SLC38A9: variants seen among roughly 807,000 people sequenced by gnomAD.
SLC38A9 encodes the protein solute carrier family 38 member 9.
Under a neutral mutation model 62.3 loss-of-function variants are expected in SLC38A9, and 48 were observed. The ratio of observed to expected loss-of-function variants is 0.77; its 90% CI spans 0.61 to 0.98. SLC38A9 has a LOEUF of 0.98. Ranked by LOEUF, SLC38A9 falls within the 50% of genes least tolerant of loss-of-function variation. The pLI is 0.00. For missense variants in SLC38A9, 541 were observed against 679.8 expected (o/e 0.80, Z 2.27); for synonymous variants, 204 against 227.7 (o/e 0.90, Z 0.94).
chr5:55,638,572 T>G (rs1744848269), intron 12 of SLC38A9, among the ~76,000 whole-genome samples: 1 of 152,162 alleles, frequency 6.6e-6, no homozygotes, highest in South Asian at 2.1e-4. Context: ...GGCCCAGAAG[T>G]AGGTTTGGGA....
At chr5:55,673,839 G>A (rs541478881) in intron 3 of SLC38A9, among the ~76,000 whole-genome samples, 1 of 151,910 alleles carries the variant, frequency 6.6e-6, no homozygotes, top group African/African-American at 2.4e-5. Context: ...AGCCTCCAGA[G>A]TAGCTGGGAC....
chr5:55,666,288 T>C (rs941650403), intron 7 of SLC38A9, among the ~76,000 whole-genome samples: 16 of 152,194 alleles, frequency 1.1e-4, no homozygotes, highest in African/African-American at 3.1e-4. Context: ...ATTATATTAG[T>C]AATATAAACT....
chr5:55,646,377 A>C (rs1385977518), intron 11 of SLC38A9, among the ~76,000 whole-genome samples: 3 of 152,172 alleles, frequency 2.0e-5, no homozygotes, highest in African/African-American at 7.2e-5. Flanking sequence ...TCTCAAAAAA[A>C]AAAGTATACT....
intron 3 of SLC38A9, chr5:55,691,056 GA>G: frequency 1.6e-6 from 1 of 637,390 alleles, no homozygotes; most frequent in Non-Finnish European, 2.8e-6. Context: ...TTATAAAAAA[GA>G]GTGCCACAGC....
intron 7 of SLC38A9, among the ~76,000 whole-genome samples, chr5:55,667,006 C>T (rs1294681234): frequency 6.7e-6 from 1 of 149,630 alleles, no homozygotes; most frequent in East Asian, 2.0e-4. Flanking sequence ...CAGAGTGAGA[C>T]TCCGTCTCAA....
chr5:55,651,971 A>C (rs1580172123), intron 10 of SLC38A9, among the ~76,000 whole-genome samples: 1 of 91,080 alleles, frequency 1.1e-5, no homozygotes, highest in Non-Finnish European at 2.8e-5. Flanking sequence ...AAAAAAAAAA[A>C]ACACACACAC....
At chr5:55,628,126 T>TA (rs776276235) in intron 14 of SLC38A9, 146 bp from the exon 15 acceptor site, 2 of 588,930 alleles carry the variant, frequency 3.4e-6, no homozygotes, top group Non-Finnish European at 6.1e-6. Flanking sequence ...AAATAGAAGG[T>TA]AACAGTAGTC....
At chr5:55,691,802 G>A (rs1163658406) in intron 3 of SLC38A9, among the ~76,000 whole-genome samples, 1 of 152,032 alleles carries the variant, frequency 6.6e-6, no homozygotes, top group Non-Finnish European at 1.5e-5. Flanking sequence ...GTGGGGGAGG[G>A]GTATGCAGAA....
chr5:55,697,804 A>T, intron 3 of SLC38A9, 42 bp downstream of exon 3: 2 of 1,025,172 alleles, frequency 2.0e-6, no homozygotes, highest in African/African-American at 1.6e-5. Context: ...TTTAATCATT[A>T]AAGACCCTAA....
intron 3 of SLC38A9, 49 bp from the exon 4 acceptor site, chr5:55,672,744 G>T (rs758222641): frequency 6.3e-7 from 1 of 1,580,456 alleles, no homozygotes; most frequent in Non-Finnish European, 8.6e-7. Flanking sequence ...CAAAAATTCT[G>T]GAAGTCAGCC....
At chr5:55,628,081 A>G in intron 14 of SLC38A9, 101 bp from the exon 15 acceptor site, 1 of 717,652 alleles carries the variant, frequency 1.4e-6, no homozygotes, top group Non-Finnish European at 2.4e-6. Context: ...CATCGTTAAA[A>G]TCAAAATGTC....
intron 8 of SLC38A9, among the ~76,000 whole-genome samples, chr5:55,663,664 T>G (rs1750004136): frequency 6.6e-6 from 1 of 151,638 alleles, no homozygotes; most frequent in African/African-American, 2.4e-5. Context: ...ACCTGGGAGG[T>G]GGATGTTGCA....
At chr5:55,702,249 C>T (rs1364128008) in intron 2 of SLC38A9, among the ~76,000 whole-genome samples, 2 of 136,618 alleles carry the variant, frequency 1.5e-5, no homozygotes, top group Non-Finnish European at 3.1e-5. Context: ...ATACATATTA[C>T]ATTTTAGCAT....
chr5:55,640,881 T>C (rs1745352731), intron 12 of SLC38A9, among the ~76,000 whole-genome samples: 1 of 152,212 alleles, frequency 6.6e-6, no homozygotes, highest in African/African-American at 2.4e-5. Flanking sequence ...TTGTTGCCCA[T>C]GCTGGAGTGC....
chr5:55,710,918 A>G lies in SLC38A9; in HGVS notation c.-35+534T>C, dbSNP rs192828618. Among the ~76,000 whole-genome samples the G allele has an allele frequency of 4.3e-3, 645 of 149,976 alleles. 3 individuals carry two copies. The highest frequency in any genetic ancestry group is 0.015 in the African/African-American group (608 of 41,086). On this transcript the variant is annotated intron_variant, in intron 2 of 15. Transcript: ENST00000396865. Reference sequence around the variant, plus strand: ...CAGGCGTGAGCCACGGCACCTGGCCAAAACGTTTTTAAAAAATCTTTCTCC... The same window carrying G: ...CAGGCGTGAGCCACGGCACCTGGCCGAAACGTTTTTAAAAAATCTTTCTCC...
intron 3 of SLC38A9, among the ~76,000 whole-genome samples, chr5:55,689,919 C>T (rs1013805755): frequency 4.6e-5 from 7 of 151,954 alleles, no homozygotes; most frequent in African/African-American, 1.7e-4. Flanking sequence ...AAACTAGCTT[C>T]CAGGCAAGTA....
At chr5:55,692,704 G>A (rs1754915672) in intron 3 of SLC38A9, 1 of 984,898 alleles carries the variant, frequency 1.0e-6, no homozygotes, top group Non-Finnish European at 1.2e-6. Context: ...ACAGAGAACT[G>A]TTTGAACTCC....
At position 55,710,184 on chromosome 5, in the gene SLC38A9, C is replaced by A. The variant is rs191483058; in HGVS notation, c.-35+1268G>T. On this transcript the variant is annotated intron_variant, in intron 2 of 15. Coordinates refer to ENST00000396865, the MANE Select transcript of SLC38A9 (RefSeq NM_173514.4). ...AAATTTTATTTTCTTAGAAACAAAG[C>A]AACTATATAGGTGACAACTTTTTTT... is the stretch of plus-strand genomic sequence containing the variant. 4.3e-3 allele frequency among the ~76,000 whole-genome samples: 628 copies of A among 147,008 alleles called. 3 individuals carry two copies. Among genetic ancestry groups the A allele is most frequent in the African/African-American group, 0.015 (591 of 40,064 alleles).
intron 3 of SLC38A9, chr5:55,692,915 A>G: frequency 1.0e-6 from 1 of 980,058 alleles, no homozygotes; most frequent in Non-Finnish European, 1.2e-6. Flanking sequence ...GATGGCCACT[A>G]TAAATGACAA....
Sources: gnomAD v4.1 joint callset for allele counts (sites outside exome capture counted in the v4.1 genomes callset) on GRCh38, gnomAD v4.1.1 for gene constraint, MANE v1.5 for transcripts, NCBI Gene and HGNC (gene_info 2026-07-23, HGNC 2026-07-21) for gene names.